PKNOX2: variants seen among roughly 807,000 people sequenced by gnomAD.
PKNOX2 encodes PBX/knotted 1 homeobox 2.
A neutral mutation model predicts 53.1 loss-of-function variants in PKNOX2; 14 were observed. That is an observed-to-expected ratio of 0.26 (90% CI 0.17 to 0.41). The LOEUF (loss-of-function observed/expected upper bound fraction) is 0.41. Ranked by LOEUF, PKNOX2 falls within the 10% of genes least tolerant of loss-of-function variation. PKNOX2 has a pLI of 1.00. For missense variants in PKNOX2, 496 were observed against 602.8 expected (o/e 0.82, Z 1.85); for synonymous variants, 257 against 242.8 (o/e 1.06, Z -0.54).
intron 2 of PKNOX2, among the ~76,000 whole-genome samples, chr11:125,292,044 A>G (rs1462968288): frequency 6.6e-6 from 1 of 152,182 alleles, no homozygotes; most frequent in Non-Finnish European, 1.5e-5. Context: ...TGTACATTTA[A>G]TGGTTAAAAT....
intron 1 of PKNOX2, among the ~76,000 whole-genome samples, chr11:125,175,003 T>C (rs1162142261): frequency 6.6e-6 from 1 of 152,186 alleles, no homozygotes; most frequent in Non-Finnish European, 1.5e-5. Context: ...CCCTGAAGCC[T>C]GTTTCCAAGG....
At chr11:125,197,937 T>C (rs1591477903) in intron 1 of PKNOX2, among the ~76,000 whole-genome samples, 1 of 152,206 alleles carries the variant, frequency 6.6e-6, no homozygotes, top group Non-Finnish European at 1.5e-5. Context: ...GGGAAGCTAA[T>C]GGTCACTCCC....
At chr11:125,210,656 G>A (rs1233094204) in intron 1 of PKNOX2, among the ~76,000 whole-genome samples, 1 of 152,138 alleles carries the variant, frequency 6.6e-6, no homozygotes, top group South Asian at 2.1e-4. Flanking sequence ...ACCTGGGACT[G>A]AGGGGTTTCC....
In PKNOX2 at chr11:125,240,545, T is replaced by A. The variant is rs1943070206; in HGVS notation, c.-130+5430T>A. ...GCAGGGCAAGAGGCTTTGAGCAGAG[T>A]TTGGAAGCTGCAAGGTGGCTGCCAC... On this transcript the variant is annotated intron_variant, in intron 2 of 12. Transcript: ENST00000298282. This position sits in a 1 kb window ranked among gnomAD's most constrained non-coding sequence, Gnocchi z 4.3. Among the ~76,000 whole-genome samples, 1 of 151,804 alleles carries A rather than the reference T, an allele frequency of 6.6e-6. No homozygotes were observed. The highest frequency in any genetic ancestry group is 2.1e-4 in the South Asian group (1 of 4,796).
intron 2 of PKNOX2, among the ~76,000 whole-genome samples, chr11:125,238,048 G>C (rs773792740): frequency 6.6e-6 from 1 of 152,330 alleles, no homozygotes; most frequent in East Asian, 1.9e-4. Flanking sequence ...TATGTCCTGA[G>C]GAGGCTGTGC....
intron 7 of PKNOX2, among the ~76,000 whole-genome samples, chr11:125,401,355 G>A (rs1005516548): frequency 6.6e-6 from 1 of 152,184 alleles, no homozygotes; most frequent in African/African-American, 2.4e-5. Flanking sequence ...GGCTCAGTGC[G>A]CAGCCAGGGT....
chr11:125,247,758 C>T (rs779801638), intron 2 of PKNOX2, among the ~76,000 whole-genome samples: 2 of 152,124 alleles, frequency 1.3e-5, no homozygotes, highest in African/African-American at 2.4e-5. Flanking sequence ...GTCTCCCCAC[C>T]CAGCCTCAGG....
chr11:125,416,644 G>T (rs1272909186), intron 10 of PKNOX2, among the ~76,000 whole-genome samples: 5 of 152,154 alleles, frequency 3.3e-5, no homozygotes, highest in Admixed American at 6.5e-5. Flanking sequence ...CAGGTAGTGT[G>T]GCTAACAGAC....
intron 1 of PKNOX2, among the ~76,000 whole-genome samples, chr11:125,210,720 G>A (rs1227562627): frequency 1.3e-5 from 2 of 152,094 alleles, no homozygotes; most frequent in Non-Finnish European, 2.9e-5. Flanking sequence ...ACACCAAGAC[G>A]AGTTGTCACC....
intron 1 of PKNOX2, among the ~76,000 whole-genome samples, chr11:125,193,082 G>C (rs1311117699): frequency 6.6e-6 from 1 of 152,222 alleles, no homozygotes; most frequent in East Asian, 1.9e-4. Flanking sequence ...GGGACGACCT[G>C]TCTCGCTAGA....
chr11:125,181,488 G>T (rs1471143124), intron 1 of PKNOX2, among the ~76,000 whole-genome samples: 3 of 137,258 alleles, frequency 2.2e-5, no homozygotes, highest in Non-Finnish European at 4.9e-5. Flanking sequence ...GGGAACAGTG[G>T]TTAGGAGTGT....
At chr11:125,369,098 T>C (rs1952370794) in intron 5 of PKNOX2, among the ~76,000 whole-genome samples, 1 of 152,234 alleles carries the variant, frequency 6.6e-6, no homozygotes, top group African/African-American at 2.4e-5. Context: ...ATGGTAATGG[T>C]GGTAATTAGG....
chr11:125,221,775 C>A (rs1053540383), intron 1 of PKNOX2, among the ~76,000 whole-genome samples: 3 of 152,086 alleles, frequency 2.0e-5, no homozygotes, highest in East Asian at 1.9e-4. Flanking sequence ...AAATTATTAA[C>A]CTGCATTCTT....
chr11:125,398,018 G>C lies in PKNOX2; in HGVS notation c.544G>C (p.Gly182Arg). 2 of 1,613,834 alleles carry C rather than the reference G, an allele frequency of 1.2e-6. No individual in the cohort carries two copies. The highest frequency in any genetic ancestry group is 1.7e-6 in the Non-Finnish European group (2 of 1,179,842). ...SDNLLRNDLG[G>R]PYSPNQPSIN... ...CAACCTGCTCAGGAATGATCTAGGG[G>C]GGCCCTACTCCCCCAACCAGCCCTC... The change falls in exon 7 of 13, where the codon GGG (glycine) becomes CGG (arginine). Residue 182 changes from glycine to arginine, a missense_variant. Physicochemically the swap from Gly to Arg is moderately radical, Grantham distance 125. Transcript: ENST00000298282.
At chr11:125,346,728 G>A (rs1261625936) in intron 3 of PKNOX2, among the ~76,000 whole-genome samples, 1 of 151,966 alleles carries the variant, frequency 6.6e-6, no homozygotes, top group African/African-American at 2.4e-5. Flanking sequence ...CCTCATGACT[G>A]CCTCTTAGCT....
intron 1 of PKNOX2, among the ~76,000 whole-genome samples, chr11:125,173,142 A>G (rs1489149117): frequency 1.3e-5 from 2 of 152,204 alleles, no homozygotes; most frequent in South Asian, 2.1e-4. Context: ...ACTACCAAGC[A>G]TATTTAAGAC....
At chr11:125,290,655 G>A (rs113938078) in intron 2 of PKNOX2, among the ~76,000 whole-genome samples, 153 of 152,344 alleles carry the variant, frequency 1.0e-3, no homozygotes, top group Non-Finnish European at 1.9e-3. Flanking sequence ...TTTAGTCTCA[G>A]TCATACATTC....
intron 5 of PKNOX2, among the ~76,000 whole-genome samples, chr11:125,378,379 C>T (rs1952970063): frequency 6.6e-6 from 1 of 152,188 alleles, no homozygotes; most frequent in Non-Finnish European, 1.5e-5. Context: ...CTGAAGATGT[C>T]CACCAAAAAA....
chr11:125,364,330 C>T (rs546321486), intron 4 of PKNOX2, among the ~76,000 whole-genome samples: 2 of 152,370 alleles, frequency 1.3e-5, no homozygotes, highest in East Asian at 1.9e-4. Context: ...CTCCTCAGAC[C>T]AGCTCTGCTG....
Sources: allele counts gnomAD v4.1 joint callset (sites outside exome capture counted in the v4.1 genomes callset), GRCh38; gene constraint gnomAD v4.1.1; non-coding constraint Gnocchi (gnomAD v3.1); transcripts MANE v1.5; gene names NCBI Gene and HGNC (gene_info 2026-07-23, HGNC 2026-07-21).